The following CHL1 variants were observed in gnomAD, a reference collection of about 807,000 sequenced individuals.
The protein encoded by CHL1 is neural cell adhesion molecule L1-like protein.
Under a neutral mutation model 141.9 loss-of-function variants are expected in CHL1, and 96 were observed. The ratio of observed to expected loss-of-function variants is 0.68; its 90% CI spans 0.57 to 0.80. The LOEUF (loss-of-function observed/expected upper bound fraction) is 0.80. CHL1 is among the 30% of genes least tolerant of loss of function. The pLI is 0.00. For synonymous variants in CHL1, 613 were observed against 502.2 expected, an observed-to-expected ratio of 1.22 and a Z score of -2.95; for missense variants, 1,820 against 1,457.2, an observed-to-expected ratio of 1.25 and a Z score of -4.05.
chr3:235,848 G>C (rs1255289253), intron 1 of CHL1, among the ~76,000 whole-genome samples: 2 of 152,178 alleles, frequency 1.3e-5, no homozygotes, highest in African/African-American at 4.8e-5. Flanking sequence ...TACTATCTTT[G>C]ACAGTAGTGA....
chr3:203,111 T>C (rs1699098679), intron 1 of CHL1, among the ~76,000 whole-genome samples: 1 of 152,226 alleles, frequency 6.6e-6, no homozygotes, highest in Non-Finnish European at 1.5e-5. Flanking sequence ...TTCATCCTTT[T>C]TTTGGTTATA....
intron 23 of CHL1, among the ~76,000 whole-genome samples, chr3:393,831 T>C (rs917319182): frequency 6.6e-6 from 1 of 152,190 alleles, no homozygotes; most frequent in Admixed American, 6.5e-5. Context: ...CCTAGTTTGT[T>C]TGTTTTTTCT....
intron 3 of CHL1, among the ~76,000 whole-genome samples, chr3:322,766 C>G (rs1700701834): frequency 6.7e-6 from 1 of 149,394 alleles, no homozygotes; most frequent in Non-Finnish European, 1.5e-5. Flanking sequence ...ATCATTTGAG[C>G]CCAGGAGGTT....
chr3:210,437 G>A (rs1699816761), intron 1 of CHL1, among the ~76,000 whole-genome samples: 1 of 152,184 alleles, frequency 6.6e-6, no homozygotes, highest in Non-Finnish European at 1.5e-5. Flanking sequence ...CCCCAGGATG[G>A]CTTCCCTCAC....
At chr3:355,372 A>G (rs1703620820) in intron 11 of CHL1, among the ~76,000 whole-genome samples, 1 of 149,848 alleles carries the variant, frequency 6.7e-6, no homozygotes, top group African/African-American at 2.5e-5. Flanking sequence ...GCCCACTCCA[A>G]ATGGGCTGGG....
chr3:219,383 G>T (rs972647641), intron 1 of CHL1, among the ~76,000 whole-genome samples: 1 of 152,094 alleles, frequency 6.6e-6, no homozygotes, highest in Non-Finnish European at 1.5e-5. Flanking sequence ...TCATATGTAT[G>T]TTCATTGCAG....
chr3:404,764 A>G (rs1364206790), intron 27 of CHL1, among the ~76,000 whole-genome samples: 1 of 152,220 alleles, frequency 6.6e-6, no homozygotes, highest in East Asian at 1.9e-4. Context: ...CTTGGAGGCC[A>G]GGAGCTCCAA....
chr3:232,544 G>A (rs1311567918), intron 1 of CHL1, among the ~76,000 whole-genome samples: 1 of 152,030 alleles, frequency 6.6e-6, no homozygotes, highest in African/African-American at 2.4e-5. Flanking sequence ...ACTTATTTAT[G>A]CTCTGCTGAT....
At chr3:274,513 C>T (rs183475986) in intron 2 of CHL1, among the ~76,000 whole-genome samples, 23 of 152,316 alleles carry the variant, frequency 1.5e-4, no homozygotes, top group Non-Finnish European at 2.6e-4. Context: ...AACTGCTTTT[C>T]AAGGTTATTA....
At chr3:399,253 A>G (rs758945163) in intron 26 of CHL1, 105 bp downstream of exon 26, 13 of 831,250 alleles carry the variant, frequency 1.6e-5, no homozygotes, top group South Asian at 1.3e-4. Flanking sequence ...AGTCAAATTT[A>G]TATTAGCAAG....
chr3:203,436 C>T lies in CHL1; in HGVS notation c.-175+6373C>T, dbSNP rs371682616. Among the ~76,000 whole-genome samples, 6 of 152,346 alleles carry T rather than the reference C, an allele frequency of 3.9e-5. No homozygotes were observed. The East Asian group carries it at 7.7e-4, about 20-fold the overall frequency. ...TTGATGTTCTTGAAAGACATATCTTCGCTGGGTAAAACATGGCTTCCTCTC... is the reference window on the plus strand; with the variant it reads ...TTGATGTTCTTGAAAGACATATCTTTGCTGGGTAAAACATGGCTTCCTCTC... On this transcript the variant is annotated intron_variant, in intron 1 of 27. Coordinates refer to ENST00000256509, the MANE Select transcript of CHL1 (RefSeq NM_006614.4).
At chr3:205,037 T>G (rs114747584) in intron 1 of CHL1, among the ~76,000 whole-genome samples, 5,007 of 152,140 alleles carry the variant, frequency 0.033, 252 homozygotes, top group African/African-American at 0.12. Flanking sequence ...ATATCCTAAT[T>G]TGTAACCCAG....
chr3:372,963 A>G (rs911543146), intron 15 of CHL1, among the ~76,000 whole-genome samples: 3 of 152,182 alleles, frequency 2.0e-5, no homozygotes, highest in Admixed American at 6.5e-5. Flanking sequence ...AGAACAGCCA[A>G]GATGGGTGCC....
intron 2 of CHL1, among the ~76,000 whole-genome samples, chr3:274,402 A>G (rs893238459): frequency 2.6e-5 from 4 of 152,218 alleles, no homozygotes; most frequent in African/African-American, 9.6e-5. Flanking sequence ...AAGTTGAACC[A>G]TGCTCAAAAA....
chr3:310,652 C>T (rs1041601858), intron 2 of CHL1, among the ~76,000 whole-genome samples: 3 of 152,144 alleles, frequency 2.0e-5, no homozygotes, highest in Admixed American at 6.5e-5. Context: ...CTCATACTAC[C>T]GGTTCTGCAT....
At chr3:256,516 G>A (rs58207874) in intron 2 of CHL1, among the ~76,000 whole-genome samples, 1,694 of 152,268 alleles carry the variant, frequency 0.011, 32 homozygotes, top group African/African-American at 0.039. Context: ...GGTAACATTT[G>A]GAAATATTTT....
At chr3:350,750 G>GA (rs766854004) in intron 10 of CHL1, among the ~76,000 whole-genome samples, 17 of 152,110 alleles carry the variant, frequency 1.1e-4, no homozygotes, top group Non-Finnish European at 2.1e-4. Context: ...AGGAAGAATA[G>GA]AAAACCGAAG....
intron 9 of CHL1, among the ~76,000 whole-genome samples, chr3:348,289 A>G (rs1702939425): frequency 6.6e-6 from 1 of 152,194 alleles, no homozygotes; most frequent in South Asian, 2.1e-4. Context: ...AATGATCACA[A>G]TAATATGCCC....
chr3:338,167 G>C (rs1412841719), intron 5 of CHL1, among the ~76,000 whole-genome samples: 3 of 152,136 alleles, frequency 2.0e-5, no homozygotes, highest in African/African-American at 7.2e-5. Flanking sequence ...AGACTGTTAT[G>C]TGCAAGTTGA....
Sources: gnomAD v4.1 joint callset for allele counts (sites outside exome capture counted in the v4.1 genomes callset) on GRCh38, gnomAD v4.1.1 for gene constraint, MANE v1.5 for transcripts, NCBI Gene and HGNC (gene_info 2026-07-23, HGNC 2026-07-21) for gene names.